Variants in CHMP4C observed in about 807,000 individuals in gnomAD.
The protein encoded by CHMP4C is charged multivesicular body protein 4C, also known as SNF7 homolog associated with Alix 3.
In CHMP4C, 28 loss-of-function variants were observed where a neutral mutation model predicts 29.0. The observed-to-expected ratio is 0.97, with a 90% CI of 0.72 to 1.32. The LOEUF is 1.32. Ranked by LOEUF, CHMP4C falls within the 40% of genes most tolerant of loss-of-function variation. The pLI, the probability that CHMP4C is intolerant of heterozygous loss-of-function variation, is 0.00. For synonymous variants in CHMP4C, 106 were observed against 102.4 expected (o/e 1.04, Z -0.21); for missense variants, 291 against 281.0 (o/e 1.04, Z -0.25).
At chr8:81,740,087 T>A (rs942939628) in intron 1 of CHMP4C, among the ~76,000 whole-genome samples, 1 of 152,200 alleles carries the variant, frequency 6.6e-6, no homozygotes, top group African/African-American at 2.4e-5. Flanking sequence ...GCAGCCTCTA[T>A]TGTTGTTGTA....
chr8:81,755,712 C>A (rs1447847031), intron 3 of CHMP4C, among the ~76,000 whole-genome samples: 1 of 152,178 alleles, frequency 6.6e-6, no homozygotes, highest in African/African-American at 2.4e-5. Flanking sequence ...AAGGAAAGAA[C>A]AGCATGTGAT....
rs547281859 is a variant in CHMP4C at position 81,756,945 on chromosome 8, G to A, written c.484-1197G>A. On this transcript the variant is annotated intron_variant, in intron 3 of 4. Transcript: ENST00000297265. ...CTATATTGACTGTGCTATTTCATAC[G>A]GCCCAATGCTATACACCTTCATATT... 9.2e-5 allele frequency among the ~76,000 whole-genome samples: 14 copies of A among 152,134 alleles called. No homozygotes were observed. The South Asian group carries it at 2.1e-3, about 23-fold the overall frequency.
intron 1 of CHMP4C, among the ~76,000 whole-genome samples, chr8:81,740,476 C>T (rs976809259): frequency 7.2e-5 from 11 of 152,180 alleles, no homozygotes; most frequent in Admixed American, 4.6e-4. Context: ...AATGGCCTGC[C>T]GCTCATCTCC....
intron 3 of CHMP4C, 121 bp downstream of exon 3, chr8:81,755,605 C>T: frequency 1.8e-6 from 1 of 544,020 alleles, no homozygotes; most frequent in Non-Finnish European, 3.3e-6. Flanking sequence ...AAGAAAGGTA[C>T]TTCTCTTAAG....
At chr8:81,751,525 T>C (rs1808903012) in intron 1 of CHMP4C, among the ~76,000 whole-genome samples, 1 of 152,064 alleles carries the variant, frequency 6.6e-6, no homozygotes, top group African/African-American at 2.4e-5. Flanking sequence ...AGAAAACTTG[T>C]TTAATTATAT....
In CHMP4C at chr8:81,753,094, G is replaced by C. The variant is rs749858794; in HGVS notation, c.221G>C (p.Arg74Thr). 1.6e-5 allele frequency: 25 copies of C among 1,611,536 alleles called. No homozygotes were observed. The highest frequency in any genetic ancestry group is 2.0e-5 in the Non-Finnish European group (23 of 1,178,714). The change falls in exon 2 of 5, where the codon AGG becomes ACG. Residue 74 changes from arginine (R) to threonine (T), a missense_variant. Coordinates refer to ENST00000297265, the MANE Select transcript of CHMP4C (RefSeq NM_152284.4). ...TTACAGGCACTAAAGAGAAAGAAGAGGTTCGAGAAACAGCTCACTCAGATT... is the reference window on the plus strand; with the variant it reads ...TTACAGGCACTAAAGAGAAAGAAGACGTTCGAGAAACAGCTCACTCAGATT... ...AALQALKRKK[R>T]FEKQLTQIDG... is the part of the protein sequence containing the mutation.
At position 81,753,218 on chromosome 8, in the gene CHMP4C, G is replaced by T. The variant is rs140893589; in HGVS notation, c.345G>T (p.Ala115=). The T allele has an allele frequency of 1.2e-6, 2 of 1,604,660 alleles. No homozygotes were observed. Among genetic ancestry groups the T allele is most frequent in the Non-Finnish European group, 1.7e-6 (2 of 1,175,854 alleles). ...VLRNMGFAAK[A]MKSVHENMDL... ...GGAACATGGGCTTTGCAGCAAAAGC[G>T]ATGAAATCTGTTCATGAAAACATGT... Residue 115 remains alanine (A), a synonymous_variant, in exon 2 of 5, where the codon GCG becomes GCT. Transcript: ENST00000297265.
At chr8:81,757,846 C>T (rs1229684514) in intron 3 of CHMP4C, among the ~76,000 whole-genome samples, 1 of 152,128 alleles carries the variant, frequency 6.6e-6, no homozygotes, top group African/African-American at 2.4e-5. Flanking sequence ...AGATGACAGA[C>T]AAGGTGTAAG....
At chr8:81,740,569 TC>T (rs1234263741) in intron 1 of CHMP4C, among the ~76,000 whole-genome samples, 1 of 152,214 alleles carries the variant, frequency 6.6e-6, no homozygotes, top group Non-Finnish European at 1.5e-5. Flanking sequence ...GTTTGACAGA[TC>T]AACACTCAAT....
chr8:81,748,752 C>A (rs1272217552), intron 1 of CHMP4C, among the ~76,000 whole-genome samples: 1 of 151,828 alleles, frequency 6.6e-6, no homozygotes, highest in East Asian at 1.9e-4. Context: ...ATGGTGAAAC[C>A]CTATCTCTAA....
In CHMP4C at chr8:81,758,759, C is replaced by T. The variant is rs534382150; in HGVS notation, c.*215C>T. 66 of 502,178 alleles carry T rather than the reference C, an allele frequency of 1.3e-4. 1 individual carries two copies. In the South Asian group the frequency reaches 1.8e-3, roughly 14 times the overall value. The allele number at this position is 502,178 out of a possible 1,614,324, so 31.1% of individuals were successfully genotyped here. On this transcript the variant is annotated 3_prime_UTR_variant, in exon 5 of 5. Coordinates refer to ENST00000297265, the MANE Select transcript of CHMP4C (RefSeq NM_152284.4). ...GCACGGTATCTCATGCCTATAATCCCAGCACTTTGGGAGGCTGAGGCAGTT... is the reference window on the plus strand; with the variant it reads ...GCACGGTATCTCATGCCTATAATCCTAGCACTTTGGGAGGCTGAGGCAGTT...
At chr8:81,737,054 TA>T (rs1186859016) in intron 1 of CHMP4C, among the ~76,000 whole-genome samples, 1 of 152,248 alleles carries the variant, frequency 6.6e-6, no homozygotes, top group African/African-American at 2.4e-5. Flanking sequence ...ATAATTTGGT[TA>T]AAAACTTTAG....
At chr8:81,735,056 G>A (rs1808670494) in intron 1 of CHMP4C, among the ~76,000 whole-genome samples, 1 of 152,044 alleles carries the variant, frequency 6.6e-6, no homozygotes, top group Non-Finnish European at 1.5e-5. Flanking sequence ...ACCATGCCCA[G>A]CTAATTTTTG....
chr8:81,741,419 G>T (rs1808760754), intron 1 of CHMP4C, among the ~76,000 whole-genome samples: 1 of 152,092 alleles, frequency 6.6e-6, no homozygotes, highest in East Asian at 1.9e-4. Flanking sequence ...AGGAATTATG[G>T]CAAGAGAGTA....
intron 1 of CHMP4C, among the ~76,000 whole-genome samples, chr8:81,733,070 A>T (rs1279753100): frequency 6.6e-6 from 1 of 152,212 alleles, no homozygotes. Flanking sequence ...TACCTAAAGG[A>T]CTCAGAACCA....
chr8:81,755,157 A>G (rs911183899), intron 2 of CHMP4C, among the ~76,000 whole-genome samples: 1 of 152,148 alleles, frequency 6.6e-6, no homozygotes, highest in Non-Finnish European at 1.5e-5. Context: ...TTCCAAATGT[A>G]ATAGGTATTT....
intron 1 of CHMP4C, among the ~76,000 whole-genome samples, chr8:81,735,952 G>A (rs374864042): frequency 2.0e-5 from 3 of 152,010 alleles, no homozygotes; most frequent in Non-Finnish European, 1.5e-5. Context: ...CGGATGTGGT[G>A]GAGCGTGTCT....
chr8:81,735,647 G>A (rs1442357052), intron 1 of CHMP4C, among the ~76,000 whole-genome samples: 3 of 152,204 alleles, frequency 2.0e-5, no homozygotes, highest in South Asian at 2.1e-4. Context: ...TGGCCAGGTA[G>A]CATTATATCA....
At chr8:81,748,796 G>T (rs970802125) in intron 1 of CHMP4C, among the ~76,000 whole-genome samples, 2 of 151,892 alleles carry the variant, frequency 1.3e-5, no homozygotes, top group Non-Finnish European at 2.9e-5. Flanking sequence ...TCATAGTGGC[G>T]CATGCCTGTA....
Sources: gnomAD v4.1 joint callset for allele counts (sites outside exome capture counted in the v4.1 genomes callset) on GRCh38, gnomAD v4.1.1 for gene constraint, MANE v1.5 for transcripts, NCBI Gene and HGNC (gene_info 2026-07-23, HGNC 2026-07-21) for gene names.